ABCB4: variants seen among roughly 807,000 people sequenced by gnomAD.
The protein encoded by ABCB4 is phosphatidylcholine translocator ABCB4.
A neutral mutation model predicts 145.7 loss-of-function variants in ABCB4; 76 were observed. The ratio of observed to expected loss-of-function variants is 0.52; its 90% CI spans 0.43 to 0.63. ABCB4 has a LOEUF of 0.63. ABCB4 is among the 30% of genes least tolerant of loss of function. The probability of loss-of-function intolerance (pLI) is 0.00; values close to 1 mark genes in which losing one functional copy is unlikely to be tolerated. For synonymous variants in ABCB4, 517 were observed against 566.8 expected (o/e 0.91, Z 1.25); for missense variants, 1,234 against 1,553.1 (o/e 0.79, Z 3.45).
At chr7:87,379,745 A>G in the ABCB4 span, among the ~76,000 whole-genome samples, 65 of 152,350 alleles carry the variant, frequency 4.3e-4, no homozygotes, top group African/African-American at 1.5e-3. Context: ...ATTAAATTCC[A>G]TGGAGGTTTC....
chr7:87,393,102 A>G, the ABCB4 span: 2 of 1,595,288 alleles, frequency 1.3e-6, no homozygotes, highest in East Asian at 2.2e-5. Flanking sequence ...TCTGTGCTAT[A>G]GAGTAGGAAA....
At chr7:87,375,761 C>T in the ABCB4 span, 6 of 1,611,986 alleles carry the variant, frequency 3.7e-6, no homozygotes, top group Admixed American at 1.0e-4. Flanking sequence ...AAGCTTTTCT[C>T]TAACAAACTC....
In ABCB4 at chr7:87,405,466, G is replaced by A. The variant is rs545807962; in HGVS notation, c.3486+822C>T. On this transcript the variant is annotated intron_variant, in intron 26 of 27. Transcript: ENST00000649586. The stretch of plus-strand genomic sequence containing the variant: ...TTTTGAGACGGAGTCTCACTCTGTC[G>A]CCCAGGCTGGAGTGCAATGGTGTGA... Among the ~76,000 whole-genome samples, 7 of 140,512 alleles carry A rather than the reference G, an allele frequency of 5.0e-5. No individual in the cohort carries two copies. The East Asian group carries it at 1.2e-3, about 25-fold the overall frequency. The allele number at this position is 140,512 out of a possible 152,430, so 92.2% of individuals were successfully genotyped here.
At chr7:87,446,692 A>T (rs17149617) in intron 9 of ABCB4, among the ~76,000 whole-genome samples, 3,587 of 152,304 alleles carry the variant, frequency 0.024, 138 homozygotes, top group African/African-American at 0.082. Context: ...TTCTGTAATA[A>T]TGATGCTTAC....
intron 14 of ABCB4, among the ~76,000 whole-genome samples, chr7:87,435,790 G>A (rs147924290): frequency 6.4e-4 from 97 of 152,294 alleles, no homozygotes; most frequent in Non-Finnish European, 1.2e-3. Context: ...ACAGAAATTA[G>A]TAATTAGATT....
chr7:87,466,872 C>T (rs1285998180), intron 3 of ABCB4, among the ~76,000 whole-genome samples: 1 of 152,150 alleles, frequency 6.6e-6, no homozygotes, highest in Non-Finnish European at 1.5e-5. Context: ...TACCACCAGG[C>T]CTGCCCTAAA....
At chr7:87,391,651 T>C in the ABCB4 span, 3 of 1,612,400 alleles carry the variant, frequency 1.9e-6, no homozygotes, top group South Asian at 2.2e-5. Flanking sequence ...ACAGAGACTA[T>C]GCGATCATGC....
intron 14 of ABCB4, among the ~76,000 whole-genome samples, chr7:87,432,636 G>A (rs996332557): frequency 6.6e-6 from 1 of 152,130 alleles, no homozygotes. Flanking sequence ...GATGACACAT[G>A]GTATGATTTT....
intron 15 of ABCB4, among the ~76,000 whole-genome samples, chr7:87,429,203 C>T (rs1584719765): frequency 2.6e-5 from 4 of 152,152 alleles, no homozygotes; most frequent in Non-Finnish European, 5.9e-5. Flanking sequence ...AAACTCAAAT[C>T]AGAAATGGGA....
At chr7:87,368,964 A>G in the ABCB4 span, among the ~76,000 whole-genome samples, 3 of 152,248 alleles carry the variant, frequency 2.0e-5, no homozygotes, top group African/African-American at 7.2e-5. Context: ...GCTAGATATT[A>G]CTGCAATTAA....
intron 3 of ABCB4, among the ~76,000 whole-genome samples, chr7:87,472,289 A>G (rs1563008941): frequency 6.6e-6 from 1 of 151,916 alleles, no homozygotes; most frequent in Non-Finnish European, 1.5e-5. Context: ...TGTGATCATA[A>G]CTCACTGCAG....
chr7:87,431,415 C>T lies in ABCB4; in HGVS notation c.1882G>A (p.Val628Ile). The change falls in exon 15 of 28, where the codon GTC becomes ATC. Residue 628 changes from valine (V) to isoleucine (I), a missense_variant. Physicochemically the swap from Val to Ile is conservative, Grantham distance 29. This residue lies in a region of ABCB4 where 321 missense variants were observed against 332.6 expected (regional missense o/e 0.97). Transcript: ENST00000649586. ...MKKEGVYFKL[V>I]NMQTSGSQIQ... ...TGAAAAGCAAGTACCTGCATGTTGA[C>T]AAGTTTGAAGTACACCCCTTCCTTC... 1.9e-6 allele frequency: 3 copies of T among 1,614,068 alleles called. No homozygotes were observed. The highest frequency in any genetic ancestry group is 2.5e-6 in the Non-Finnish European group (3 of 1,179,964).
chr7:87,398,735 ACTT>A, downstream of ABCB4: 7 of 1,204,824 alleles, frequency 5.8e-6, no homozygotes, highest in South Asian at 1.4e-5. Flanking sequence ...AGGAATGTTG[ACTT>A]GCTAACATTC....
At position 87,443,495 on chromosome 7, in the gene ABCB4, T is replaced by G. The variant is rs780151810; in HGVS notation, c.1231-51A>C. ...CACACTTCACAACAAAGCCCTAAAA[T>G]GGGAATAATTCGATTCAGTTTGAAA... On this transcript the variant is annotated intron_variant, in intron 11 of 27. Coordinates refer to ENST00000649586, the MANE Select transcript of ABCB4 (RefSeq NM_000443.4). 3.7e-6 allele frequency: 6 copies of G among 1,611,998 alleles called. No individual in the cohort carries two copies. The South Asian group carries it at 6.6e-5, about 18-fold the overall frequency.
the ABCB4 span, among the ~76,000 whole-genome samples, chr7:87,386,247 T>C: frequency 1.3e-5 from 2 of 152,184 alleles, no homozygotes; most frequent in Non-Finnish European, 2.9e-5. Flanking sequence ...TTGGTATTAG[T>C]TCTTTTTTTA....
the ABCB4 span, among the ~76,000 whole-genome samples, chr7:87,396,533 T>C: frequency 6.6e-6 from 1 of 152,112 alleles, no homozygotes. Flanking sequence ...TGGTACAGTA[T>C]AGAAACATTT....
chr7:87,400,996 T>C (rs1242678910), downstream of ABCB4, among the ~76,000 whole-genome samples: 1 of 152,196 alleles, frequency 6.6e-6, no homozygotes, highest in Non-Finnish European at 1.5e-5. Flanking sequence ...ACCTACTGAA[T>C]CAATTATTTT....
chr7:87,391,206 C>G, the ABCB4 span, among the ~76,000 whole-genome samples: 1 of 152,242 alleles, frequency 6.6e-6, no homozygotes, highest in Admixed American at 6.5e-5. Context: ...AGAGAGCTCT[C>G]TTTGTAACCT....
At chr7:87,378,233 A>G in the ABCB4 span, among the ~76,000 whole-genome samples, 1 of 151,216 alleles carries the variant, frequency 6.6e-6, no homozygotes, top group Non-Finnish European at 1.5e-5. Context: ...GATCCCAGCT[A>G]CTTGGGAGGC....
Sources: allele counts gnomAD v4.1 joint callset (sites outside exome capture counted in the v4.1 genomes callset), GRCh38; gene constraint gnomAD v4.1.1; regional missense constraint gnomAD v4.1.1; transcripts MANE v1.5; gene names NCBI Gene and HGNC (gene_info 2026-07-23, HGNC 2026-07-21).